Variants in NOC4L observed in about 807,000 individuals in gnomAD.
The protein encoded by NOC4L is nucleolar complex associated 4 homolog, also known as nucleolar complex protein 4 homolog.
Under a neutral mutation model 62.8 loss-of-function variants are expected in NOC4L, and 40 were observed. The ratio of observed to expected loss-of-function variants is 0.64; its 90% CI spans 0.49 to 0.83. NOC4L has a LOEUF of 0.83. Among genes scored for constraint, NOC4L ranks in the 40% least tolerant of loss-of-function variants. The pLI is 0.00. For missense variants in NOC4L, 927 were observed against 701.9 expected, an observed-to-expected ratio of 1.32 and a Z score of -3.62; for synonymous variants, 433 against 299.8, an observed-to-expected ratio of 1.44 and a Z score of -4.59.
chr12:132,145,508 GGGT>G (rs1897679374), intron 2 of NOC4L, 48 bp from the exon 3 acceptor site: 1 of 1,255,496 alleles, frequency 8.0e-7, no homozygotes, highest in African/African-American at 1.5e-5. Flanking sequence ...GCTGGGCCCA[GGGT>G]GGCGTATGTG....
chr12:132,147,885 C>A lies in NOC4L; in HGVS notation c.609C>A (p.Pro203=), dbSNP rs1015895989. The A allele has an allele frequency of 1.2e-6, 2 of 1,609,026 alleles. No individual in the cohort carries two copies. The highest frequency in any genetic ancestry group is 1.7e-6 in the Non-Finnish European group (2 of 1,179,186). The change falls in exon 6 of 15, where the codon CCC becomes CCA. Residue 203 remains proline (P), a synonymous_variant. Transcript: ENST00000330579. ...ACTCAGGCCAGGCTCCGCAGGTGCC[C>A]CCCGCCTTTTGGAACAATGCCTTCA... ...ARVTGQHPEV[P]PAFWNNAFTL...
Position 132,151,598 on chromosome 12 carries a change from C to G in NOC4L, c.1188C>G (p.Arg396=), listed in dbSNP as rs1316227882. Residue 396 remains arginine, a synonymous_variant, in exon 12 of 15, where the codon CGC becomes CGG. Transcript: ENST00000330579. ...MVLPFICNLL[R]RHPACRVLVH... is the part of the protein sequence containing the mutation. ...TGCCTTTCATCTGTAACCTGCTGCG[C>G]CGGCACCCTGCCTGCCGGGTCCTCG... 2 of 1,611,550 alleles carry G rather than the reference C, an allele frequency of 1.2e-6. No homozygotes were observed. The highest frequency in any genetic ancestry group is 2.2e-5 in the South Asian group (2 of 91,008).
chr12:132,151,346 G>T lies in NOC4L; in HGVS notation c.1051G>T (p.Ala351Ser), dbSNP rs1897934431. ...VKYRARFFHLADLFLSSSHLP... is the reference protein window; with the variant it reads ...VKYRARFFHLSDLFLSSSHLP... Reference sequence around the variant, plus strand: ...GTACCGCGCCCGCTTCTTCCACCTGGCTGACCTCTTCCTGTCCTCCTCGTG... The same window carrying T: ...GTACCGCGCCCGCTTCTTCCACCTGTCTGACCTCTTCCTGTCCTCCTCGTG... The change falls in exon 11 of 15, where the codon GCT becomes TCT. Residue 351 changes from alanine (A) to serine (S), a missense_variant. Transcript: ENST00000330579. 6.2e-7 allele frequency: 1 copy of T among 1,610,726 alleles called. No homozygotes were observed.
chr12:132,145,080 C>G (rs116505899), intron 2 of NOC4L, 106 bp downstream of exon 2: 22,201 of 1,428,464 alleles, frequency 0.016, 646 homozygotes, highest in African/African-American at 0.061. Flanking sequence ...GCCGTGCAGG[C>G]TGGTGGGAGG....
At chr12:132,144,634 G>C in intron 1 of NOC4L, 29 bp downstream of exon 1, 4 of 1,477,948 alleles carry the variant, frequency 2.7e-6, no homozygotes, top group Non-Finnish European at 3.6e-6. Context: ...CAGGGCCGGA[G>C]TCGCGGCACG....
In NOC4L at chr12:132,144,594, G is replaced by A. The variant is rs1897636064; in HGVS notation, c.106G>A (p.Ala36Thr). ...GGCCAACGCCGTGTTCGACATCCTG[G>A]CCGTGCTGCAGGTGGGCCTGGCGGC... ...SEANAVFDIL[A>T]VLQSEDQEEI... The change falls in exon 1 of 15, where the codon GCC becomes ACC. Residue 36 changes from alanine (A) to threonine (T), a missense_variant. Coordinates refer to ENST00000330579, the MANE Select transcript of NOC4L (RefSeq NM_024078.3). 1 of 1,521,208 alleles carries A rather than the reference G, an allele frequency of 6.6e-7. No individual in the cohort carries two copies. Among genetic ancestry groups the A allele is most frequent in the Non-Finnish European group, 8.8e-7 (1 of 1,140,986 alleles). 94.2% of individuals were successfully genotyped at this position (1,521,208 alleles called of 1,614,324 possible).
intron 7 of NOC4L, 139 bp downstream of exon 7, chr12:132,148,245 G>C: frequency 1.1e-6 from 1 of 881,536 alleles, no homozygotes; most frequent in Admixed American, 2.4e-5. Flanking sequence ...ACGGCCACCA[G>C]GTCACTCGAA....
Position 132,145,607 on chromosome 12 carries a change from A to G in NOC4L, c.287A>G (p.Tyr96Cys). Residue 96 changes from tyrosine (Y) to cysteine (C), a missense_variant, in exon 3 of 15, where the codon TAT becomes TGT. Coordinates refer to ENST00000330579, the MANE Select transcript of NOC4L (RefSeq NM_024078.3). ...TACAAGGTGTGGATGAGACACCGCT[A>G]TCACAGCTGCTGCAATCGCTTGGGA... Reference protein sequence around the residue: ...RKYKVWMRHRYHSCCNRLGEL... With the variant: ...RKYKVWMRHRCHSCCNRLGEL... 2.5e-6 allele frequency: 4 copies of G among 1,613,572 alleles called. No individual in the cohort carries two copies. Among genetic ancestry groups the G allele is most frequent in the Non-Finnish European group, 3.4e-6 (4 of 1,179,908 alleles).
rs563159977 is a variant in NOC4L, at chr12:132,148,366, T to C, written c.739-243T>C. On this transcript the variant is annotated intron_variant, in intron 7 of 14. Transcript: ENST00000330579. ...CCACCTGTGGGCCCCGTGGGCTGTTTTGGGCGCAGCCCCCCTCTTGGCCAT... is the reference window on the plus strand; with the variant it reads ...CCACCTGTGGGCCCCGTGGGCTGTTCTGGGCGCAGCCCCCCTCTTGGCCAT... Among the ~76,000 whole-genome samples, 3 of 152,288 alleles carry C rather than the reference T, an allele frequency of 2.0e-5. No homozygotes were observed. The South Asian group carries it at 6.2e-4, about 32-fold the overall frequency.
Position 132,152,084 on chromosome 12 carries a change from G to A in NOC4L, c.1318G>A (p.Ala440Thr), listed in dbSNP as rs1873010340. 1.2e-6 allele frequency: 2 copies of A among 1,606,830 alleles called. No individual in the cohort carries two copies. The highest frequency in any genetic ancestry group is 1.7e-6 in the Non-Finnish European group (2 of 1,177,498). ...CCTCTTAACGGCCCTACTGCCCCAG[G>A]CCCTCCAGCGCCACTACCACCCTGA... Reference protein sequence around the residue: ...ALESSLWELQALQRHYHPEVS... With the variant: ...ALESSLWELQTLQRHYHPEVS... The change falls in exon 14 of 15, where the codon GCC (alanine) becomes ACC (threonine). Residue 440 changes from alanine (A) to threonine (T), a missense_variant and splice_region_variant. Ala to Thr is a moderately conservative substitution (Grantham distance 58, BLOSUM62 0). Transcript: ENST00000330579.
intron 9 of NOC4L, 123 bp from the exon 10 acceptor site, chr12:132,150,858 G>T (rs923651829): frequency 1.4e-6 from 1 of 718,110 alleles, no homozygotes; most frequent in Non-Finnish European, 2.4e-6. Flanking sequence ...TTGTGTCCGT[G>T]GGGGCTGTGG....
At position 132,152,111 on chromosome 12, in the gene NOC4L, G is replaced by A. The variant is rs753146751; in HGVS notation, c.1345G>A (p.Val449Met). Residue 449 changes from valine to methionine, a missense_variant, in exon 14 of 15, where the codon GTG becomes ATG. Coordinates refer to ENST00000330579, the MANE Select transcript of NOC4L (RefSeq NM_024078.3). ...CCTCCAGCGCCACTACCACCCTGAGGTGTCCAAAGCCGCCAGCGTCATCAA... is the reference window on the plus strand; with the variant it reads ...CCTCCAGCGCCACTACCACCCTGAGATGTCCAAAGCCGCCAGCGTCATCAA... The part of the protein sequence containing the change: ...QALQRHYHPE[V>M]SKAASVINQA... 2.5e-6 allele frequency: 4 copies of A among 1,612,110 alleles called. No individual in the cohort carries two copies. In the African/African-American group the frequency reaches 4.0e-5, roughly 16 times the overall value.
At position 132,147,884 on chromosome 12, in the gene NOC4L, C is replaced by T. The variant is rs1437124890; in HGVS notation, c.608C>T (p.Pro203Leu). The change falls in exon 6 of 15, where the codon CCC (proline) becomes CTC (leucine). Residue 203 changes from proline (P) to leucine (L), a missense_variant. By Grantham distance (98) the Pro-to-Leu change is moderately conservative. Transcript: ENST00000330579. ...ARVTGQHPEVPPAFWNNAFTL... is the reference protein window; with the variant it reads ...ARVTGQHPEVLPAFWNNAFTL... ...CACTCAGGCCAGGCTCCGCAGGTGC[C>T]CCCCGCCTTTTGGAACAATGCCTTC... The T allele has an allele frequency of 1.9e-6, 3 of 1,609,062 alleles. No individual in the cohort carries two copies. The highest frequency in any genetic ancestry group is 1.7e-6 in the Non-Finnish European group (2 of 1,179,214).
chr12:132,147,578 A>G (rs1466653455), intron 4 of NOC4L, 55 bp from the exon 5 acceptor site: 6 of 1,589,802 alleles, frequency 3.8e-6, no homozygotes, highest in Non-Finnish European at 5.1e-6. Flanking sequence ...GCCTGCCTGG[A>G]CCTTGCTGGC....
intron 1 of NOC4L, 123 bp from the exon 2 acceptor site, chr12:132,144,731 G>T: frequency 6.8e-7 from 1 of 1,467,306 alleles, no homozygotes; most frequent in African/African-American, 1.4e-5. Context: ...GAGGCGTGTG[G>T]GTCACGGGTC....
chr12:132,151,473 GC>G lies in NOC4L; in HGVS notation c.1074-8del, dbSNP rs757191587. The G allele has an allele frequency of 4.4e-6, 7 of 1,600,438 alleles. No homozygotes were observed. Among genetic ancestry groups the G allele is most frequent in the Non-Finnish European group, 5.9e-6 (7 of 1,178,928 alleles). ...GTCCGGGCCCTGTCTCACAACCACT[GC>G]CCTGCCCAGCCACCTCCCCGCCTAC... On this transcript the variant is annotated splice_polypyrimidine_tract_variant and intron_variant, in intron 11 of 14. Transcript: ENST00000330579.
rs755773641 is a variant in NOC4L at position 132,152,123 on chromosome 12, G to A, written c.1357G>A (p.Ala453Thr). Residue 453 changes from alanine (A) to threonine (T), a missense_variant, in exon 14 of 15, where the codon GCC becomes ACC. Transcript: ENST00000330579. ...RHYHPEVSKA[A>T]SVINQALSMP... ...CTACCACCCTGAGGTGTCCAAAGCC[G>A]CCAGCGTCATCAACCAGGCCCTGTC... is the stretch of plus-strand genomic sequence containing the variant. 129 of 1,600,150 alleles carry A rather than the reference G, an allele frequency of 8.1e-5. No individual in the cohort carries two copies. The East Asian group carries it at 1.6e-3, about 20-fold the overall frequency.
intron 7 of NOC4L, among the ~76,000 whole-genome samples, 164 bp downstream of exon 7, chr12:132,148,270 G>A (rs539865623): frequency 2.0e-5 from 3 of 152,302 alleles, no homozygotes; most frequent in Non-Finnish European, 2.9e-5. Flanking sequence ...GGGAGGTGAC[G>A]AGACCTGTGA....
intron 3 of NOC4L, chr12:132,146,229 G>C: frequency 2.2e-6 from 1 of 455,840 alleles, no homozygotes; most frequent in Non-Finnish European, 4.4e-6. Context: ...CAATGGGTTT[G>C]CTTTTTTTAG....
Sources: gnomAD v4.1 joint callset for allele counts (sites outside exome capture counted in the v4.1 genomes callset) on GRCh38, gnomAD v4.1.1 for gene constraint, MANE v1.5 for transcripts, NCBI Gene and HGNC (gene_info 2026-07-23, HGNC 2026-07-21) for gene names.